The following ZFYVE28 variants were observed in gnomAD, a reference collection of about 807,000 sequenced individuals.
The protein encoded by ZFYVE28 is lateral signaling target protein 2 homolog.
A neutral mutation model predicts 82.1 loss-of-function variants in ZFYVE28; 40 were observed. The ratio of observed to expected loss-of-function variants is 0.49; its 90% CI spans 0.38 to 0.63. The LOEUF (loss-of-function observed/expected upper bound fraction) is 0.63, where lower values mean the gene tolerates loss of function less well. ZFYVE28 is among the 30% of genes least tolerant of loss of function. The pLI is 0.00. For missense variants in ZFYVE28, 1,321 were observed against 1,242.1 expected (o/e 1.06, Z -0.96); for synonymous variants, 612 against 546.1 (o/e 1.12, Z -1.68).
intron 1 of ZFYVE28, among the ~76,000 whole-genome samples, chr4:2,402,315 G>C (rs1014963584): frequency 6.6e-6 from 1 of 152,112 alleles, no homozygotes; most frequent in Non-Finnish European, 1.5e-5. Context: ...TCAGTAAGTC[G>C]GCCAGGCAAG....
Position 2,308,113 on chromosome 4 carries a change from T to TTTC in ZFYVE28, c.804-2580_804-2578dup, listed in dbSNP as rs554713358. On this transcript the variant is annotated intron_variant, in intron 7 of 12. Coordinates refer to ENST00000290974, the MANE Select transcript of ZFYVE28 (RefSeq NM_020972.3). ...CTTTACAATAGAAGATGTCTCCAATTTTCTTCTTCTTCTTCTTCTTCTAAG... is the reference window on the plus strand; with the variant it reads ...CTTTACAATAGAAGATGTCTCCAATTTTCTTCTTCTTCTTCTTCTTCTTCTAAG... 2.7e-3 allele frequency among the ~76,000 whole-genome samples: 403 copies of TTTC among 152,044 alleles called. 2 individuals carry two copies. Among genetic ancestry groups the TTTC allele is most frequent in the East Asian group, 0.015 (80 of 5,162 alleles).
At chr4:2,410,416 G>A (rs1186827599) in intron 1 of ZFYVE28, among the ~76,000 whole-genome samples, 2 of 149,000 alleles carry the variant, frequency 1.3e-5, no homozygotes, top group Admixed American at 1.3e-4. Context: ...TGTATTCCAG[G>A]CTCATGGCGA....
At chr4:2,380,639 G>A (rs920990463) in intron 1 of ZFYVE28, among the ~76,000 whole-genome samples, 2 of 152,182 alleles carry the variant, frequency 1.3e-5, no homozygotes, top group African/African-American at 4.8e-5. Flanking sequence ...TAATTCCCAC[G>A]TGTTGTGGGA....
chr4:2,371,586 G>A (rs949100821), intron 1 of ZFYVE28, among the ~76,000 whole-genome samples: 1 of 152,194 alleles, frequency 6.6e-6, no homozygotes, highest in Non-Finnish European at 1.5e-5. Context: ...ATTCACTCAA[G>A]AAAAGCCAGG....
chr4:2,409,437 C>T lies in ZFYVE28; in HGVS notation c.39+8848G>A, dbSNP rs751751457. ...TCCTTGCCTGTGACCCATCCCCAGGCGACCTCCCAACCCCATCTGCAGCGA... is the reference window on the plus strand; with the variant it reads ...TCCTTGCCTGTGACCCATCCCCAGGTGACCTCCCAACCCCATCTGCAGCGA... On this transcript the variant is annotated intron_variant, in intron 1 of 12. Transcript: ENST00000290974. This position sits in a 1 kb window ranked among gnomAD's most constrained non-coding sequence, Gnocchi z 4.4. Among the ~76,000 whole-genome samples, 58 of 152,242 alleles carry T rather than the reference C, an allele frequency of 3.8e-4. No individual in the cohort carries two copies. The highest frequency in any genetic ancestry group is 1.6e-3 in the Admixed American group (24 of 15,294).
intron 2 of ZFYVE28, 94 bp downstream of exon 2, chr4:2,353,839 G>A: frequency 6.2e-6 from 8 of 1,283,198 alleles, no homozygotes; most frequent in Non-Finnish European, 6.0e-6. Context: ...CACCACAGGG[G>A]GCCAGCAGGT....
intron 1 of ZFYVE28, among the ~76,000 whole-genome samples, chr4:2,356,383 G>A (rs1034089093): frequency 1.3e-5 from 2 of 151,448 alleles, no homozygotes; most frequent in Non-Finnish European, 2.9e-5. Context: ...ACAGCCCAGA[G>A]CAAGACAGAC....
In ZFYVE28 at chr4:2,380,505, C is replaced by G. The variant is rs116718875; in HGVS notation, c.40-26432G>C. ...TTCTTCAATTTTATTGAAGTCAAAG[C>G]AGCAGAAACCACCTGGTTTGAAGGA... On this transcript the variant is annotated intron_variant, in intron 1 of 12. Coordinates refer to ENST00000290974, the MANE Select transcript of ZFYVE28 (RefSeq NM_020972.3). Among the ~76,000 whole-genome samples, 142 of 152,338 alleles carry G rather than the reference C, an allele frequency of 9.3e-4. 1 individual carries two copies. Among genetic ancestry groups the G allele is most frequent in the African/African-American group, 3.2e-3 (135 of 41,574 alleles).
intron 5 of ZFYVE28, 106 bp downstream of exon 5, chr4:2,337,301 C>G: frequency 2.0e-6 from 2 of 993,050 alleles, no homozygotes; most frequent in Non-Finnish European, 2.9e-6. Context: ...CTGGGGCACT[C>G]CCGAGACACA....
intron 1 of ZFYVE28, among the ~76,000 whole-genome samples, chr4:2,368,586 C>A (rs181807003): frequency 2.0e-5 from 3 of 152,164 alleles, no homozygotes; most frequent in Non-Finnish European, 4.4e-5. Flanking sequence ...TAGAATCATA[C>A]GAAATGGGGC....
Position 2,288,731 on chromosome 4 carries a change from A to C in ZFYVE28, c.2052-14515T>G, listed in dbSNP as rs117477296. Among the ~76,000 whole-genome samples the C allele has an allele frequency of 4.3e-4, 65 of 152,324 alleles. No homozygotes were observed. In the East Asian group the frequency reaches 0.011, roughly 26 times the overall value. On this transcript the variant is annotated intron_variant, in intron 8 of 12. Coordinates refer to ENST00000290974, the MANE Select transcript of ZFYVE28 (RefSeq NM_020972.3). ...AATGGCTCACGCCTTTAATCCCAAT[A>C]CTTTGGGAGGCCAAGGCAGGAGGAT... is the stretch of plus-strand genomic sequence containing the variant.
chr4:2,324,019 G>A (rs1719497059), intron 6 of ZFYVE28, among the ~76,000 whole-genome samples: 2 of 152,040 alleles, frequency 1.3e-5, no homozygotes, highest in South Asian at 4.2e-4. Flanking sequence ...TGCTTTTGAT[G>A]TCAAATCCAT....
intron 8 of ZFYVE28, among the ~76,000 whole-genome samples, chr4:2,301,829 G>T (rs1196814150): frequency 6.6e-6 from 1 of 152,254 alleles, no homozygotes; most frequent in East Asian, 1.9e-4. Flanking sequence ...GTGGGGAAAA[G>T]GTGCTCTGCC....
At chr4:2,365,659 G>C (rs978067357) in intron 1 of ZFYVE28, among the ~76,000 whole-genome samples, 14 of 152,308 alleles carry the variant, frequency 9.2e-5, no homozygotes, top group African/African-American at 3.1e-4. Flanking sequence ...CATGCTGGAA[G>C]ACGGCCAGCA....
intron 1 of ZFYVE28, among the ~76,000 whole-genome samples, chr4:2,384,187 G>C (rs942922542): frequency 6.6e-6 from 1 of 152,218 alleles, no homozygotes; most frequent in Admixed American, 6.5e-5. Flanking sequence ...ATGCCACAGA[G>C]CCCTCTCCTC....
In ZFYVE28 at chr4:2,304,484, T is replaced by A; in HGVS notation, c.1856A>T (p.Asp619Val). The change falls in exon 8 of 13, where the codon GAT becomes GTT. Residue 619 changes from aspartate (D) to valine (V), a missense_variant. By Grantham distance (152) the Asp-to-Val change is radical (BLOSUM62 -3). Around this residue, in one of 2 missense-constraint regions of ZFYVE28, gnomAD observed 978 missense variants for 833.7 expected, o/e 1.17. Coordinates refer to ENST00000290974, the MANE Select transcript of ZFYVE28 (RefSeq NM_020972.3). ...TTTGGGCTCCCGCCCGTTGGAGGCA[T>A]CTTCTGAGGGTGGGGGCGCCTCCTC... ...RQEEAPPPSE[D>V]ASNGREPKAP... The A allele has an allele frequency of 6.2e-7, 1 of 1,613,156 alleles. No individual in the cohort carries two copies. Among genetic ancestry groups the A allele is most frequent in the Non-Finnish European group, 8.5e-7 (1 of 1,179,776 alleles).
At chr4:2,395,462 C>T (rs1330736138) in intron 1 of ZFYVE28, among the ~76,000 whole-genome samples, 1 of 152,220 alleles carries the variant, frequency 6.6e-6, no homozygotes, top group African/African-American at 2.4e-5. Flanking sequence ...TCTCCCCACA[C>T]ACAGGCACCA....
chr4:2,346,817 G>C (rs999157335), intron 2 of ZFYVE28, among the ~76,000 whole-genome samples: 2 of 151,796 alleles, frequency 1.3e-5, no homozygotes, highest in South Asian at 2.1e-4. Flanking sequence ...TAAAAATTAA[G>C]AGAGGAAATT....
At chr4:2,309,978 G>A (rs1353861741) in intron 7 of ZFYVE28, among the ~76,000 whole-genome samples, 2 of 151,940 alleles carry the variant, frequency 1.3e-5, no homozygotes, top group Non-Finnish European at 2.9e-5. Flanking sequence ...TAAAATTAAT[G>A]TGGCAAAACA....
Sources: gnomAD v4.1 joint callset for allele counts (sites outside exome capture counted in the v4.1 genomes callset) on GRCh38, gnomAD v4.1.1 for gene constraint, gnomAD v4.1.1 regional missense constraint, Gnocchi (gnomAD v3.1) non-coding constraint, MANE v1.5 for transcripts, NCBI Gene and HGNC (gene_info 2026-07-23, HGNC 2026-07-21) for gene names.